The following CALD1 variants were observed in gnomAD, a reference collection of about 807,000 sequenced individuals.
The protein encoded by CALD1 is caldesmon 1.
In CALD1, 33 loss-of-function variants were observed where a neutral mutation model predicts 99.9. The ratio of observed to expected loss-of-function variants is 0.33; its 90% CI spans 0.25 to 0.44. The LOEUF is 0.44. CALD1 is among the 20% of genes least tolerant of loss of function. The pLI, the probability that CALD1 is intolerant of heterozygous loss-of-function variation, is 1.00. For missense variants in CALD1, 861 were observed against 962.1 expected (o/e 0.89, Z 1.39); for synonymous variants, 310 against 325.0 (o/e 0.95, Z 0.50).
At chr7:134,762,138 G>A (rs1297917004) in intron 1 of CALD1, among the ~76,000 whole-genome samples, 1 of 152,146 alleles carries the variant, frequency 6.6e-6, no homozygotes, top group Admixed American at 6.5e-5. Flanking sequence ...TTGAATCTTG[G>A]ACCTTATTAC....
At chr7:134,785,428 C>A (rs931510710) in intron 1 of CALD1, among the ~76,000 whole-genome samples, 2 of 152,142 alleles carry the variant, frequency 1.3e-5, no homozygotes, top group Non-Finnish European at 2.9e-5. Flanking sequence ...AATCATTTAA[C>A]AATTTTAATA....
rs1228768928 is a variant in CALD1, at chr7:134,960,231, T to G, written c.2199+120T>G. The G allele has an allele frequency of 4.3e-6, 5 of 1,173,704 alleles. No homozygotes were observed. The African/African-American group carries it at 7.6e-5, about 18-fold the overall frequency. 72.7% of individuals were successfully genotyped at this position (1,173,704 alleles called of 1,614,324 possible). ...AGTGAAGAAGGTGCAATTTGTACTT[T>G]GTTTTGCAATGACCACAAAAGCAAG... On this transcript the variant is annotated intron_variant, in intron 12 of 14. Coordinates refer to ENST00000361675, the MANE Select transcript of CALD1 (RefSeq NM_033138.4).
rs1428064457 is a variant in CALD1 at position 134,968,616 on chromosome 7, CTG to C, written c.*273_*274del. On this transcript the variant is annotated 3_prime_UTR_variant, in exon 15 of 15. Coordinates refer to ENST00000361675, the MANE Select transcript of CALD1 (RefSeq NM_033138.4). ...GACTTTTCTACTGATCATCATAACTCTGTATCTGAGCAGTGATACCAACCACA... is the reference window on the plus strand; with the variant it reads ...GACTTTTCTACTGATCATCATAACTCTATCTGAGCAGTGATACCAACCACA... The C allele has an allele frequency of 6.8e-5, 45 of 665,062 alleles. No individual in the cohort carries two copies. The highest frequency in any genetic ancestry group is 1.2e-4 in the East Asian group (4 of 33,924). 41.2% of individuals were successfully genotyped at this position (665,062 alleles called of 1,614,324 possible).
intron 3 of CALD1, among the ~76,000 whole-genome samples, chr7:134,872,887 A>G (rs1801161539): frequency 6.6e-6 from 1 of 152,226 alleles, no homozygotes; most frequent in South Asian, 2.1e-4. Context: ...TAAAAAGTTA[A>G]ATAGATACAT....
At chr7:134,753,113 T>C (rs1229194277) in intron 1 of CALD1, among the ~76,000 whole-genome samples, 1 of 152,050 alleles carries the variant, frequency 6.6e-6, no homozygotes, top group African/African-American at 2.4e-5. Context: ...GAATGCTATA[T>C]TGGGTCCATG....
the CALD1 span, among the ~76,000 whole-genome samples, chr7:134,730,682 T>A: frequency 1.5e-4 from 23 of 152,180 alleles, no homozygotes; most frequent in Non-Finnish European, 2.6e-4. Flanking sequence ...AAAAAATAAA[T>A]AAAACATTGA....
At chr7:134,722,247 G>A in the CALD1 span, among the ~76,000 whole-genome samples, 825 of 151,996 alleles carry the variant, frequency 5.4e-3, 9 homozygotes, top group African/African-American at 0.018. Context: ...CCTTTCCTCC[G>A]GCCAAGTTTC....
intron 1 of CALD1, among the ~76,000 whole-genome samples, chr7:134,773,276 C>CTT (rs11345428): frequency 7.2e-6 from 1 of 138,034 alleles, no homozygotes. Context: ...TTTTTCTGAA[C>CTT]TTTTTTTTTT....
At chr7:134,845,494 A>G (rs1799815167) in intron 2 of CALD1, among the ~76,000 whole-genome samples, 2 of 152,182 alleles carry the variant, frequency 1.3e-5, no homozygotes, top group Non-Finnish European at 2.9e-5. Context: ...TTTCTCCCAG[A>G]GGTAGGAAAT....
intron 1 of CALD1, among the ~76,000 whole-genome samples, chr7:134,774,354 G>A (rs933809312): frequency 2.6e-5 from 4 of 152,138 alleles, no homozygotes; most frequent in Non-Finnish European, 5.9e-5. Context: ...CCTGATTGTC[G>A]GTGTCCTGGG....
chr7:134,726,609 C>T, the CALD1 span, among the ~76,000 whole-genome samples: 1 of 150,850 alleles, frequency 6.6e-6, no homozygotes, highest in Middle Eastern at 3.5e-3. Flanking sequence ...AAAAGGAGAA[C>T]ATTGGCAGAC....
At chr7:134,918,578 A>G (rs1240809157) in intron 3 of CALD1, among the ~76,000 whole-genome samples, 1 of 152,260 alleles carries the variant, frequency 6.6e-6, no homozygotes, top group Non-Finnish European at 1.5e-5. Context: ...GCTGGTGCTT[A>G]TTTGGAGGCA....
At chr7:134,901,466 A>G (rs1041397263) in intron 3 of CALD1, among the ~76,000 whole-genome samples, 1 of 152,098 alleles carries the variant, frequency 6.6e-6, no homozygotes, top group African/African-American at 2.4e-5. Flanking sequence ...AATTATTGCC[A>G]TGAACTGGGT....
intron 1 of CALD1, among the ~76,000 whole-genome samples, chr7:134,795,235 C>T (rs971630457): frequency 1.3e-5 from 2 of 152,112 alleles, no homozygotes; most frequent in African/African-American, 2.4e-5. Context: ...ATAATTCCCA[C>T]GTGTGGTAGG....
At chr7:134,765,737 A>G (rs577452680) in intron 1 of CALD1, among the ~76,000 whole-genome samples, 236 of 152,308 alleles carry the variant, frequency 1.5e-3, no homozygotes, top group South Asian at 5.2e-3. Context: ...ATGGTTTAGC[A>G]CCATCTTCTT....
intron 1 of CALD1, among the ~76,000 whole-genome samples, chr7:134,841,530 G>C (rs1184304726): frequency 1.3e-5 from 2 of 152,188 alleles, no homozygotes; most frequent in East Asian, 3.9e-4. Flanking sequence ...GAAATGATCT[G>C]CCTTATCCTC....
chr7:134,813,114 T>C (rs1798417765), intron 1 of CALD1, among the ~76,000 whole-genome samples: 2 of 152,218 alleles, frequency 1.3e-5, no homozygotes. Flanking sequence ...GAATTGATCA[T>C]TGGCTTTGGC....
chr7:134,817,535 G>A (rs1798608083), intron 1 of CALD1, among the ~76,000 whole-genome samples: 6 of 151,984 alleles, frequency 3.9e-5, no homozygotes, highest in Admixed American at 3.3e-4. Flanking sequence ...TTACAACCAC[G>A]GGGTTCCTCT....
intron 1 of CALD1, among the ~76,000 whole-genome samples, chr7:134,804,379 TTTTA>T (rs1798057266): frequency 6.6e-6 from 1 of 152,240 alleles, no homozygotes; most frequent in African/African-American, 2.4e-5. Context: ...GTCAAACCCT[TTTTA>T]ATACAGTCAA....
Sources: gnomAD v4.1 joint callset for allele counts (sites outside exome capture counted in the v4.1 genomes callset) on GRCh38, gnomAD v4.1.1 for gene constraint, MANE v1.5 for transcripts, NCBI Gene and HGNC (gene_info 2026-07-23, HGNC 2026-07-21) for gene names.